The following VEPH1 variants were observed in gnomAD, a reference collection of about 807,000 sequenced individuals.
VEPH1 encodes ventricular zone-expressed PH domain-containing protein homolog 1.
VEPH1 carries 80 observed loss-of-function variants against 85.2 expected under a neutral mutation model. The observed-to-expected ratio is 0.94, with a 90% confidence interval of 0.78 to 1.13. The LOEUF (loss-of-function observed/expected upper bound fraction) is 1.13, where lower values mean the gene tolerates loss of function less well. Ranked by LOEUF, VEPH1 falls within the 50% of genes most tolerant of loss-of-function variation. The pLI is 0.00. For synonymous variants in VEPH1, 297 were observed against 348.0 expected (o/e 0.85, Z 1.63); for missense variants, 955 against 980.5 (o/e 0.97, Z 0.35).
At chr3:157,365,798 C>T (rs1385473200) in intron 7 of VEPH1, among the ~76,000 whole-genome samples, 1 of 152,028 alleles carries the variant, frequency 6.6e-6, no homozygotes, top group Non-Finnish European at 1.5e-5. Flanking sequence ...GCTTCTGTGC[C>T]CTTTCTGGGT....
At chr3:157,398,625 T>A (rs1199769764) in intron 6 of VEPH1, among the ~76,000 whole-genome samples, 2 of 124,862 alleles carry the variant, frequency 1.6e-5, no homozygotes, top group Non-Finnish European at 3.3e-5. Flanking sequence ...AGAGTGAGAC[T>A]CTGTCTCAAA....
chr3:157,495,307 A>T lies in VEPH1; in HGVS notation c.43T>A (p.Ser15Thr), dbSNP rs964985069. The T allele has an allele frequency of 3.1e-6, 5 of 1,613,942 alleles. No individual in the cohort carries two copies. In the African/African-American group the frequency reaches 6.7e-5, roughly 22 times the overall value. Residue 15 changes from serine to threonine, a missense_variant, in exon 2 of 14, where the codon TCA becomes ACA. By Grantham distance (58) the Ser-to-Thr change is moderately conservative (BLOSUM62 1). Transcript: ENST00000362010. ...FRLVLGQKDL[S>T]RAGDLFSLDD... ...AAGGAGAAGAGGTCCCCAGCTCGTG[A>T]AAGATCTTTTTGTCCCAAAACCAGT...
intron 6 of VEPH1, among the ~76,000 whole-genome samples, chr3:157,386,210 G>T (rs1729271093): frequency 9.1e-6 from 1 of 109,736 alleles, no homozygotes; most frequent in Non-Finnish European, 1.7e-5. Context: ...AATAATCATA[G>T]ATTGTTCATT....
At chr3:157,270,786 T>G (rs564222631) in intron 12 of VEPH1, among the ~76,000 whole-genome samples, 1 of 152,176 alleles carries the variant, frequency 6.6e-6, no homozygotes. Context: ...GGAGCTTTAA[T>G]TTATCATCTA....
At chr3:157,270,033 G>A (rs77404637) in intron 12 of VEPH1, among the ~76,000 whole-genome samples, 5,640 of 151,924 alleles carry the variant, frequency 0.037, 149 homozygotes, top group South Asian at 0.11. Flanking sequence ...TTGAGGCCAG[G>A]AGTTGAGACC....
intron 2 of VEPH1, among the ~76,000 whole-genome samples, chr3:157,492,142 T>C (rs1739264823): frequency 6.6e-6 from 1 of 152,118 alleles, no homozygotes; most frequent in African/African-American, 2.4e-5. Context: ...TATCTTTTGA[T>C]GGGTGACTTT....
chr3:157,398,972 C>T (rs1577565905), intron 6 of VEPH1, among the ~76,000 whole-genome samples: 1 of 152,128 alleles, frequency 6.6e-6, no homozygotes, highest in Admixed American at 6.5e-5. Context: ...GTCAAGTTGA[C>T]ACCTAATACT....
intron 6 of VEPH1, among the ~76,000 whole-genome samples, chr3:157,393,665 T>C (rs538130693): frequency 3.4e-4 from 52 of 152,324 alleles, no homozygotes; most frequent in African/African-American, 1.3e-3. Flanking sequence ...TATAAATATA[T>C]GTAATGTAAC....
intron 9 of VEPH1, among the ~76,000 whole-genome samples, chr3:157,357,583 C>G (rs910688272): frequency 1.3e-5 from 2 of 151,172 alleles, no homozygotes; most frequent in Admixed American, 6.6e-5. Context: ...ACCTCTGCCT[C>G]CCAGGTTCAA....
intron 6 of VEPH1, chr3:157,413,472 A>G: frequency 1.0e-6 from 1 of 985,416 alleles, no homozygotes; most frequent in Non-Finnish European, 1.2e-6. Context: ...CTGGGTTAAG[A>G]GAAATTGCAA....
At chr3:157,436,441 G>T (rs1348670450) in intron 4 of VEPH1, among the ~76,000 whole-genome samples, 3 of 152,034 alleles carry the variant, frequency 2.0e-5, no homozygotes, top group African/African-American at 7.3e-5. Flanking sequence ...AGTGTACAAA[G>T]GAAACATGGA....
chr3:157,316,164 T>A (rs566939992), intron 10 of VEPH1: 1 of 152,208 alleles, frequency 6.6e-6, no homozygotes, highest in African/African-American at 2.4e-5. Flanking sequence ...TGACTTTATC[T>A]TATAATGAAA....
chr3:157,421,266 C>T (rs1214806182), intron 5 of VEPH1, among the ~76,000 whole-genome samples: 1 of 151,956 alleles, frequency 6.6e-6, no homozygotes, highest in Non-Finnish European at 1.5e-5. Flanking sequence ...CAAGGGCCAA[C>T]TGTTGACCCT....
In VEPH1 at chr3:157,502,021, A is replaced by T. The variant is rs534369901; in HGVS notation, c.-158+1256T>A. Among the ~76,000 whole-genome samples the T allele has an allele frequency of 7.9e-5, 12 of 152,294 alleles. No individual in the cohort carries two copies. In the South Asian group the frequency reaches 1.0e-3, roughly 13 times the overall value. On this transcript the variant is annotated intron_variant, in intron 1 of 13. Transcript: ENST00000362010. The stretch of plus-strand genomic sequence containing the variant: ...GCGTGAAAGGACTACAGGCGTTCCC[A>T]TGGGAATTGGCTGCATACATTTCAG...
intron 2 of VEPH1, among the ~76,000 whole-genome samples, chr3:157,487,047 C>T (rs1738719850): frequency 1.3e-5 from 2 of 151,774 alleles, no homozygotes; most frequent in Admixed American, 1.3e-4. Flanking sequence ...GTCTTACATG[C>T]TTATATTGGA....
intron 9 of VEPH1, among the ~76,000 whole-genome samples, chr3:157,331,647 C>T (rs562965208): frequency 2.6e-5 from 4 of 152,316 alleles, no homozygotes; most frequent in African/African-American, 9.6e-5. Flanking sequence ...AGTAAATTTG[C>T]ACTGAGAGAG....
chr3:157,378,043 T>C (rs562754610), intron 7 of VEPH1, among the ~76,000 whole-genome samples: 2 of 152,138 alleles, frequency 1.3e-5, no homozygotes, highest in East Asian at 1.9e-4. Context: ...CTTTCACTCA[T>C]GGCACATGTT....
chr3:157,369,149 C>A (rs1156696775), intron 7 of VEPH1, among the ~76,000 whole-genome samples: 1 of 71,874 alleles, frequency 1.4e-5, no homozygotes, highest in Non-Finnish European at 2.7e-5. Flanking sequence ...ACAAAACAAA[C>A]AAATAACAAC....
At chr3:157,338,903 T>C (rs936307458) in intron 9 of VEPH1, among the ~76,000 whole-genome samples, 4 of 152,240 alleles carry the variant, frequency 2.6e-5, no homozygotes, top group African/African-American at 9.6e-5. Context: ...TGAACTGCAC[T>C]GCACTGTGTT....
Sources: allele counts gnomAD v4.1 joint callset (sites outside exome capture counted in the v4.1 genomes callset), GRCh38; gene constraint gnomAD v4.1.1; transcripts MANE v1.5; gene names NCBI Gene and HGNC (gene_info 2026-07-23, HGNC 2026-07-21).